The following SGCZ variants were observed in gnomAD, a reference collection of about 807,000 sequenced individuals.
SGCZ encodes sarcoglycan zeta.
SGCZ carries 40 observed loss-of-function variants against 41.3 expected under a neutral mutation model. The ratio of observed to expected loss-of-function variants is 0.97; its 90% CI spans 0.75 to 1.26. The LOEUF is 1.26. Among genes scored for constraint, SGCZ ranks in the 50% most tolerant of loss-of-function variants. SGCZ has a pLI of 0.00. For synonymous variants in SGCZ, 206 were observed against 137.5 expected, an observed-to-expected ratio of 1.50 and a Z score of -3.49; for missense variants, 552 against 369.8, an observed-to-expected ratio of 1.49 and a Z score of -4.04.
At chr8:14,577,180 G>A (rs924515854) in intron 1 of SGCZ, among the ~76,000 whole-genome samples, 3 of 152,098 alleles carry the variant, frequency 2.0e-5, no homozygotes, top group African/African-American at 7.2e-5. Flanking sequence ...TAAGCCCATT[G>A]TGTTATGTGG....
chr8:14,135,601 C>T lies in SGCZ; in HGVS notation c.548-27366G>A, dbSNP rs533809611. On this transcript the variant is annotated intron_variant, in intron 5 of 7. Transcript: ENST00000382080. ...AAAATGCAAACTATTAAAACTCAAT[C>T]GACATGAAATAAACAATCTGAATAG... 2.3e-4 allele frequency among the ~76,000 whole-genome samples: 35 copies of T among 152,166 alleles called. No homozygotes were observed. The South Asian group carries it at 2.5e-3, about 11-fold the overall frequency.
At chr8:15,066,048 C>A (rs1805127962) in intron 1 of SGCZ, among the ~76,000 whole-genome samples, 1 of 152,108 alleles carries the variant, frequency 6.6e-6, no homozygotes, top group African/African-American at 2.4e-5. Flanking sequence ...GTGGCTCACG[C>A]CTGTAATCCC....
At chr8:14,804,904 A>C (rs1478952270) in intron 1 of SGCZ, among the ~76,000 whole-genome samples, 6 of 82,864 alleles carry the variant, frequency 7.2e-5, no homozygotes, top group African/African-American at 2.3e-4. Flanking sequence ...TACAAGCCAG[A>C]AGAGAGTGGG....
chr8:14,627,341 C>T (rs968508282), intron 1 of SGCZ, among the ~76,000 whole-genome samples: 10 of 152,058 alleles, frequency 6.6e-5, no homozygotes, highest in Admixed American at 2.6e-4. Flanking sequence ...TTTGGAGGGA[C>T]GGATCATCAG....
chr8:14,920,946 C>T (rs1419652824), intron 1 of SGCZ, among the ~76,000 whole-genome samples: 2 of 152,154 alleles, frequency 1.3e-5, no homozygotes, highest in African/African-American at 4.8e-5. Context: ...CTTCTACGCT[C>T]AGAACATTGA....
chr8:14,322,130 C>T (rs1225073578), intron 3 of SGCZ, among the ~76,000 whole-genome samples: 2 of 152,060 alleles, frequency 1.3e-5, no homozygotes, highest in East Asian at 3.8e-4. Context: ...AGATTTCGTT[C>T]ATGTTTATTT....
intron 1 of SGCZ, among the ~76,000 whole-genome samples, chr8:15,064,678 C>T (rs537173645): frequency 3.9e-5 from 6 of 152,116 alleles, no homozygotes; most frequent in Admixed American, 6.5e-5. Context: ...TTCTTTGTCC[C>T]TCCCTAGTTG....
In SGCZ at chr8:15,037,879, GC is replaced by G. The variant is rs1585499257; in HGVS notation, c.39+199705del. 2.0e-5 allele frequency among the ~76,000 whole-genome samples: 3 copies of G among 151,986 alleles called. 1 individual carries two copies. The East Asian group carries it at 5.8e-4, about 29-fold the overall frequency. ...TAAGAAAACAATCCCATTTATAATG[GC>G]TCAAGAAACCAGAAATAAGGCTTAC... On this transcript the variant is annotated intron_variant, in intron 1 of 7. Transcript: ENST00000382080.
intron 2 of SGCZ, among the ~76,000 whole-genome samples, chr8:14,380,511 C>A (rs111840032): frequency 6.6e-6 from 1 of 152,078 alleles, no homozygotes; most frequent in African/African-American, 2.4e-5. Flanking sequence ...ATTCATTTTG[C>A]CTTTTACTCT....
chr8:14,142,396 A>G (rs1803399397), intron 5 of SGCZ, among the ~76,000 whole-genome samples: 1 of 152,142 alleles, frequency 6.6e-6, no homozygotes, highest in South Asian at 2.1e-4. Context: ...CAGGAACAGG[A>G]GGGGAGCTGG....
chr8:14,102,092 A>G (rs144316184), intron 7 of SGCZ, among the ~76,000 whole-genome samples: 49,868 of 103,164 alleles, frequency 0.48, 11,123 homozygotes, highest in Non-Finnish European at 0.61. Flanking sequence ...ATATATATAT[A>G]TATATATATA....
chr8:14,440,758 CGT>C (rs1800233683), intron 2 of SGCZ, among the ~76,000 whole-genome samples: 5 of 117,062 alleles, frequency 4.3e-5, no homozygotes, highest in East Asian at 2.4e-4. Flanking sequence ...TACGTATACA[CGT>C]ATATGTATAT....
chr8:14,722,526 C>T (rs1809920069), intron 1 of SGCZ, among the ~76,000 whole-genome samples: 1 of 151,790 alleles, frequency 6.6e-6, no homozygotes, highest in African/African-American at 2.4e-5. Context: ...TTTATGCACA[C>T]AATATATGTA....
chr8:14,717,475 TGAA>T (rs777484052), intron 1 of SGCZ, among the ~76,000 whole-genome samples: 3 of 152,208 alleles, frequency 2.0e-5, no homozygotes, highest in South Asian at 2.1e-4. Context: ...CACAAAGAAT[TGAA>T]GAAGAACAGT....
intron 1 of SGCZ, among the ~76,000 whole-genome samples, chr8:14,641,193 C>T (rs542085861): frequency 1.3e-5 from 2 of 151,650 alleles, no homozygotes; most frequent in Non-Finnish European, 3.0e-5. Context: ...AACAACTAGT[C>T]TGTCACTACG....
At chr8:15,162,785 T>G (rs1799547598) in intron 1 of SGCZ, among the ~76,000 whole-genome samples, 1 of 152,198 alleles carries the variant, frequency 6.6e-6, no homozygotes, top group Admixed American at 6.5e-5. Context: ...GCATCTTACC[T>G]CTAAAGAGTT....
intron 1 of SGCZ, among the ~76,000 whole-genome samples, chr8:14,856,924 A>G (rs1277803838): frequency 6.6e-6 from 1 of 152,098 alleles, no homozygotes; most frequent in Non-Finnish European, 1.5e-5. Context: ...AATAACAGTT[A>G]TTTCTAGGTC....
In SGCZ at chr8:14,650,104, T is replaced by C. The variant is rs1807349320; in HGVS notation, c.40-95178A>G. Among the ~76,000 whole-genome samples the C allele has an allele frequency of 2.6e-5, 4 of 152,060 alleles. No homozygotes were observed. The South Asian group carries it at 8.3e-4, about 31-fold the overall frequency. On this transcript the variant is annotated intron_variant, in intron 1 of 7. Coordinates refer to ENST00000382080, the MANE Select transcript of SGCZ (RefSeq NM_139167.4). ...AGGGGTTTGACTGAGCACCCAGACA[T>C]AGACGCAATTTAAAACCAAACCAGC...
intron 2 of SGCZ, among the ~76,000 whole-genome samples, chr8:14,488,928 T>C (rs1563362834): frequency 8.0e-6 from 1 of 125,582 alleles, no homozygotes; most frequent in Non-Finnish European, 1.7e-5. Context: ...TTTTCCTCCA[T>C]GGATTCAGCA....
Sources: gnomAD v4.1 joint callset for allele counts (sites outside exome capture counted in the v4.1 genomes callset) on GRCh38, gnomAD v4.1.1 for gene constraint, MANE v1.5 for transcripts, NCBI Gene and HGNC (gene_info 2026-07-23, HGNC 2026-07-21) for gene names.